IGF1: variants seen among roughly 807,000 people sequenced by gnomAD.
IGF1 encodes the protein insulin like growth factor 1, also known as insulin-like growth factor 1.
IGF1 carries 4 observed loss-of-function variants against 13.8 expected under a neutral mutation model. That is an observed-to-expected ratio of 0.29 (90% CI 0.14 to 0.66). IGF1 has a LOEUF of 0.66. Among genes scored for constraint, IGF1 ranks in the 30% least tolerant of loss-of-function variants. The pLI is 0.78. For synonymous variants in IGF1, 76 were observed against 72.6 expected, an observed-to-expected ratio of 1.05 and a Z score of -0.23; for missense variants, 124 against 188.5, an observed-to-expected ratio of 0.66 and a Z score of 2.00.
chr12:102,417,820 A>G (rs202145836), intron 3 of IGF1: 1 of 1,612,450 alleles, frequency 6.2e-7, no homozygotes, highest in East Asian at 2.2e-5. Flanking sequence ...CCTGTCCTTC[A>G]TTTTCCTTTT....
chr12:102,463,359 G>C (rs758628180), intron 2 of IGF1: 1 of 152,196 alleles, frequency 6.6e-6, no homozygotes, highest in African/African-American at 2.4e-5. Context: ...GAAGATCTTC[G>C]TGGAAGACTA....
chr12:102,413,223 C>T (rs997268994), intron 3 of IGF1, among the ~76,000 whole-genome samples: 2 of 152,154 alleles, frequency 1.3e-5, no homozygotes, highest in African/African-American at 4.8e-5. Context: ...CTGAAGGCTT[C>T]CCCTTTAACT....
chr12:102,428,280 G>C (rs1376498222), intron 2 of IGF1, among the ~76,000 whole-genome samples: 1 of 82,872 alleles, frequency 1.2e-5, no homozygotes, highest in African/African-American at 3.9e-5. Flanking sequence ...TAATAATAGG[G>C]GAGTATAGTA....
chr12:102,426,718 A>G (rs896299102), intron 2 of IGF1, among the ~76,000 whole-genome samples: 1 of 152,138 alleles, frequency 6.6e-6, no homozygotes, highest in Non-Finnish European at 1.5e-5. Context: ...GCTTTTTGGT[A>G]TTAATATCAA....
intron 2 of IGF1, among the ~76,000 whole-genome samples, chr12:102,474,061 C>T (rs1025534784): frequency 1.3e-5 from 2 of 152,154 alleles, no homozygotes; most frequent in African/African-American, 4.8e-5. Flanking sequence ...AAAAAAAAGT[C>T]CCCTTGGGCA....
chr12:102,466,828 C>T (rs1157503790), intron 2 of IGF1, among the ~76,000 whole-genome samples: 1 of 152,032 alleles, frequency 6.6e-6, no homozygotes, highest in Admixed American at 6.6e-5. Flanking sequence ...ATCACTTGAG[C>T]CTGGGAGGTT....
At chr12:102,429,924 G>T (rs1314293985) in intron 2 of IGF1, among the ~76,000 whole-genome samples, 2 of 152,036 alleles carry the variant, frequency 1.3e-5, no homozygotes, top group African/African-American at 4.8e-5. Context: ...TTTATCACAG[G>T]ACCTATCCAT....
upstream of IGF1, among the ~76,000 whole-genome samples, chr12:102,480,948 T>G (rs888191126): frequency 1.3e-5 from 2 of 152,168 alleles, no homozygotes; most frequent in Non-Finnish European, 2.9e-5. Flanking sequence ...AGCAAATGCA[T>G]TATTTAAAAC....
chr12:102,402,599 T>A, intron 3 of IGF1, 33 bp from the exon 4 acceptor site: 1 of 780,330 alleles, frequency 1.3e-6, no homozygotes, highest in Non-Finnish European at 2.4e-6. Flanking sequence ...GACATTAACT[T>A]GATGAAGTTT....
Position 102,441,906 on chromosome 12 carries a change from G to GCTGCTGCTGCCTCTTCTTCTTCTT in IGF1, c.221-22217_221-22216insAAGAAGAAGAAGAGGCAGCAGCAG. ...GAGCACTAAGTCATTCTATTACACT[G>GCTGCTGCTGCCTCTTCTTCTTCTT]CTTCTTCTCCTTCTTCTTCTTCTTC... On this transcript the variant is annotated intron_variant, in intron 2 of 3. Coordinates refer to ENST00000337514, the MANE Select transcript of IGF1 (RefSeq NM_000618.5). 6.1e-4 allele frequency among the ~76,000 whole-genome samples: 61 copies of GCTGCTGCTGCCTCTTCTTCTTCTT among 100,338 alleles called. 4 individuals are homozygous for GCTGCTGCTGCCTCTTCTTCTTCTT. Among genetic ancestry groups the GCTGCTGCTGCCTCTTCTTCTTCTT allele is most frequent in the Admixed American group, 1.2e-3 (11 of 9,502 alleles). The allele number at this position is 100,338 out of a possible 152,430, so 65.8% of individuals were successfully genotyped here.
rs886048871 is a variant in IGF1 at position 102,398,094 on chromosome 12, A to C, written c.*4413T>G. 6 of 151,934 alleles carry C rather than the reference A, an allele frequency of 3.9e-5. No individual in the cohort carries two copies. Among genetic ancestry groups the C allele is most frequent in the East Asian group, 1.9e-4 (1 of 5,176 alleles). The allele number at this position is 151,934 out of a possible 1,614,324, so 9.4% of individuals were successfully genotyped here. ...ATAAAGACTGTATAAAGTAAAAAAA[A>C]AAAAAAAACAAAAACAAGAAACAAA... On this transcript the variant is annotated 3_prime_UTR_variant, in exon 4 of 4. Coordinates refer to ENST00000337514, the MANE Select transcript of IGF1 (RefSeq NM_000618.5).
intron 2 of IGF1, among the ~76,000 whole-genome samples, chr12:102,441,955 C>CTTT (rs1268306262): frequency 7.1e-6 from 1 of 139,980 alleles, no homozygotes; most frequent in Non-Finnish European, 1.6e-5. Flanking sequence ...TCTTCTTCTT[C>CTTT]TTTTTTTTTT....
rs1873791313 is a variant in IGF1 at position 102,402,715 on chromosome 12, G to A, written c.403-149C>T. The A allele has an allele frequency of 6.5e-5, 45 of 691,450 alleles. 1 individual carries two copies. The highest frequency in any genetic ancestry group is 6.2e-4 in the South Asian group (41 of 65,648). The allele number at this position is 691,450 out of a possible 1,614,324, so 42.8% of individuals were successfully genotyped here. The stretch of plus-strand genomic sequence containing the variant: ...ACCTTGGTTTTCCTGAGAAGGGCAT[G>A]TATAGGTGGACAGGCCCTTAGTACT... On this transcript the variant is annotated intron_variant, in intron 3 of 3. Transcript: ENST00000337514.
chr12:102,441,663 T>C (rs1338320884), intron 2 of IGF1, among the ~76,000 whole-genome samples: 1 of 152,170 alleles, frequency 6.6e-6, no homozygotes, highest in Admixed American at 6.5e-5. Flanking sequence ...TATGTAGATA[T>C]TGGAGAAAAG....
intron 3 of IGF1, among the ~76,000 whole-genome samples, chr12:102,411,608 C>T (rs924813172): frequency 3.9e-5 from 6 of 152,108 alleles, no homozygotes; most frequent in Admixed American, 1.3e-4. Context: ...TGGGAACTTT[C>T]GAGTTATTTT....
chr12:102,403,561 A>G (rs542656574), intron 3 of IGF1, among the ~76,000 whole-genome samples: 6 of 151,134 alleles, frequency 4.0e-5, no homozygotes, highest in African/African-American at 7.3e-5. Context: ...GGCTTACACA[A>G]TCCTCCTGCC....
At chr12:102,478,498 T>C (rs745410279) in intron 1 of IGF1, 2 of 1,610,716 alleles carry the variant, frequency 1.2e-6, no homozygotes, top group Non-Finnish European at 1.7e-6. Context: ...GTAGGTGTAA[T>C]CATTTTTGTT....
At chr12:102,409,253 C>T (rs144765154) in intron 3 of IGF1, among the ~76,000 whole-genome samples, 7 of 152,298 alleles carry the variant, frequency 4.6e-5, no homozygotes, top group African/African-American at 1.2e-4. Context: ...TCTGTTCTGG[C>T]TTGTGTGCTG....
At chr12:102,431,158 A>G (rs1035444045) in intron 2 of IGF1, among the ~76,000 whole-genome samples, 1 of 152,208 alleles carries the variant, frequency 6.6e-6, no homozygotes, top group African/African-American at 2.4e-5. Flanking sequence ...ATGTCAGAAT[A>G]ACTACACATA....
Sources: gnomAD v4.1 joint callset for allele counts (sites outside exome capture counted in the v4.1 genomes callset) on GRCh38, gnomAD v4.1.1 for gene constraint, MANE v1.5 for transcripts, NCBI Gene and HGNC (gene_info 2026-07-23, HGNC 2026-07-21) for gene names.